Variants in ABCC3 observed in about 807,000 individuals in gnomAD.
ABCC3 encodes ATP-binding cassette sub-family C member 3.
Under a neutral mutation model 165.3 loss-of-function variants are expected in ABCC3, and 121 were observed. The observed-to-expected ratio is 0.73, with a 90% CI of 0.63 to 0.85. The LOEUF (loss-of-function observed/expected upper bound fraction) is 0.85, where lower values mean the gene tolerates loss of function less well. ABCC3 is among the 40% of genes least tolerant of loss of function. The pLI is 0.00. For missense variants in ABCC3, 1,869 were observed against 1,964.1 expected (o/e 0.95, Z 0.92); for synonymous variants, 733 against 810.1 (o/e 0.90, Z 1.62).
chr17:50,691,091 GGGTCCT>G lies in ABCC3; in HGVS notation c.4484_4489del (p.Val1495_Leu1496del). 1.2e-6 allele frequency: 2 copies of G among 1,611,990 alleles called. No individual in the cohort carries two copies. The highest frequency in any genetic ancestry group is 1.7e-6 in the Non-Finnish European group (2 of 1,178,232). Reference sequence around the variant, plus strand: ...TGACCACTTCTCTCTTTTTTGACTAGGGTCCTGGTCCTGGACAAAGGAGTAGTAGCT... The same window carrying G: ...TGACCACTTCTCTCTTTTTTGACTAGGGTCCTGGACAAAGGAGTAGTAGCT... On this transcript the variant is annotated inframe_deletion and splice_region_variant, in exon 31 of 31. Coordinates refer to ENST00000285238, the MANE Select transcript of ABCC3 (RefSeq NM_003786.4).
In ABCC3 at chr17:50,684,692, C is replaced by A; in HGVS notation, c.4114-17C>A. On this transcript the variant is annotated splice_polypyrimidine_tract_variant and intron_variant, in intron 28 of 30. Transcript: ENST00000285238. ...GGGCCTAAGCTGCCTCCCTCTGAGG[C>A]CACGTTGTATCCCCAGGACCCCATC... The A allele has an allele frequency of 6.2e-7, 1 of 1,610,398 alleles. No homozygotes were observed. The highest frequency in any genetic ancestry group is 8.5e-7 in the Non-Finnish European group (1 of 1,177,914).
In ABCC3 at chr17:50,673,054, T is replaced by A. The variant is rs1227559381; in HGVS notation, c.2325T>A (p.Asp775Glu). 1 of 1,614,040 alleles carries A rather than the reference T, an allele frequency of 6.2e-7. No individual in the cohort carries two copies. The highest frequency in any genetic ancestry group is 8.5e-7 in the Non-Finnish European group (1 of 1,180,050). The part of the protein sequence containing the change: ...VYSDADIFLL[D>E]DPLSAVDSHV... ...GTGATGCCGATATTTTCTTGCTGGA[T>A]GACCCACTGTCCGCGGTGGACTCTC... Residue 775 changes from aspartate (D) to glutamate (E), a missense_variant, in exon 18 of 31, where the codon GAT (aspartate) becomes GAA (glutamate). Coordinates refer to ENST00000285238, the MANE Select transcript of ABCC3 (RefSeq NM_003786.4).
chr17:50,674,447 TTTGG>T (rs1293089132), intron 19 of ABCC3: 4 of 152,178 alleles, frequency 2.6e-5, no homozygotes, highest in Non-Finnish European at 5.9e-5. Context: ...GGATAAATAG[TTTGG>T]CAAGTATGCA....
intron 7 of ABCC3, 117 bp from the exon 8 acceptor site, chr17:50,660,806 A>G (rs1050450579): frequency 6.6e-6 from 5 of 761,250 alleles, no homozygotes; most frequent in Non-Finnish European, 1.0e-5. Context: ...CCCAGCTCTG[A>G]GAGCCAAGAA....
At chr17:50,663,623 A>G (rs774930119) in intron 8 of ABCC3, 58 bp from the exon 9 acceptor site, 1 of 1,577,078 alleles carries the variant, frequency 6.3e-7, no homozygotes, top group South Asian at 1.1e-5. Context: ...AGGGCAGCAG[A>G]GGAGGGAGCA....
chr17:50,685,680 C>T (rs936178009), intron 29 of ABCC3, among the ~76,000 whole-genome samples: 3 of 152,174 alleles, frequency 2.0e-5, no homozygotes, highest in African/African-American at 4.8e-5. Flanking sequence ...TTGGACTAGT[C>T]ACATTTCAAG....
At chr17:50,662,460 G>C (rs1166004952) in intron 8 of ABCC3, among the ~76,000 whole-genome samples, 1 of 151,980 alleles carries the variant, frequency 6.6e-6, no homozygotes, top group Admixed American at 6.6e-5. Context: ...AACATAGCAA[G>C]ACCCTGTCTC....
chr17:50,669,325 C>T (rs1463280856), intron 16 of ABCC3, 27 bp from the exon 17 acceptor site: 4 of 1,614,028 alleles, frequency 2.5e-6, no homozygotes, highest in Non-Finnish European at 3.4e-6. Flanking sequence ...TTGGGCAAGC[C>T]CCGAGGTAAA....
rs183930945 is a variant in ABCC3, at chr17:50,672,742, C to A, written c.2242-229C>A. Reference sequence around the variant, plus strand: ...TTAGTCAGTAGCCAGGCATGGTGGTCCTGCAATCAATCCTAGCTACTCGGG... The same window carrying A: ...TTAGTCAGTAGCCAGGCATGGTGGTACTGCAATCAATCCTAGCTACTCGGG... On this transcript the variant is annotated intron_variant, in intron 17 of 30. Transcript: ENST00000285238. Among the ~76,000 whole-genome samples, 39 of 152,198 alleles carry A rather than the reference C, an allele frequency of 2.6e-4. No individual in the cohort carries two copies. The East Asian group carries it at 4.8e-3, about 19-fold the overall frequency.
chr17:50,644,185 T>C (rs5024134), intron 1 of ABCC3, among the ~76,000 whole-genome samples: 37,605 of 149,962 alleles, frequency 0.25, 5,026 homozygotes, highest in African/African-American at 0.33. Context: ...GTGGCGGGCA[T>C]CTGTAATCCC....
chr17:50,653,394 G>C (rs1015147521), intron 1 of ABCC3, among the ~76,000 whole-genome samples: 2 of 147,092 alleles, frequency 1.4e-5, no homozygotes, highest in Non-Finnish European at 3.0e-5. Flanking sequence ...AAAAGCTTTA[G>C]ACAAATTTAG....
At position 50,675,434 on chromosome 17, in the gene ABCC3, A is replaced by G. The variant is rs1364174330; in HGVS notation, c.2672A>G (p.Asp891Gly). 1 of 1,614,088 alleles carries G rather than the reference A, an allele frequency of 6.2e-7. No individual in the cohort carries two copies. The highest frequency in any genetic ancestry group is 2.2e-5 in the East Asian group (1 of 44,884). The change falls in exon 20 of 31, where the codon GAC becomes GGC. Residue 891 changes from aspartate to glycine, a missense_variant. By Grantham distance (94) the Asp-to-Gly change is moderately conservative. Transcript: ENST00000285238. ...DTLSNHTDLT[D>G]NDPVTYVVQK... is the part of the protein sequence containing the mutation. ...CTCAGCAACCACACGGATCTGACAG[A>G]CAATGATCCAGTCACCTATGTGGTC...
intron 7 of ABCC3, among the ~76,000 whole-genome samples, chr17:50,660,532 C>T (rs1212630554): frequency 6.6e-6 from 1 of 152,188 alleles, no homozygotes; most frequent in Non-Finnish European, 1.5e-5. Flanking sequence ...CTGCCTGCTG[C>T]ACCCCCTCTC....
chr17:50,677,866 C>A lies in ABCC3; in HGVS notation c.3501C>A (p.Ser1167Arg). ...GTGTCATCCGGGCCTACAACCGCAG[C>A]CGGGATTTTGAGATCATCAGTGATA... ...GASVIRAYNRSRDFEIISDTK... is the reference protein window; with the variant it reads ...GASVIRAYNRRRDFEIISDTK... Residue 1167 changes from serine to arginine, a missense_variant, in exon 24 of 31, where the codon AGC (serine) becomes AGA (arginine). Transcript: ENST00000285238. The A allele has an allele frequency of 6.2e-7, 1 of 1,614,124 alleles. No individual in the cohort carries two copies. Among genetic ancestry groups the A allele is most frequent in the Non-Finnish European group, 8.5e-7 (1 of 1,180,020 alleles).
chr17:50,676,743 T>TTGAA (rs1334974355), intron 23 of ABCC3, among the ~76,000 whole-genome samples, 155 bp downstream of exon 23: 1 of 152,220 alleles, frequency 6.6e-6, no homozygotes, highest in South Asian at 2.1e-4. Context: ...GGGGAGCCAT[T>TTGAA]ACTTAACCTC....
chr17:50,680,518 T>C (rs1183720344), intron 26 of ABCC3, among the ~76,000 whole-genome samples: 1 of 152,134 alleles, frequency 6.6e-6, no homozygotes, highest in Non-Finnish European at 1.5e-5. Context: ...TCCTGCTCGC[T>C]CTCATGCTCC....
Position 50,691,164 on chromosome 17 carries a change from C to G in ABCC3, c.4548C>G (p.Ile1516Met). 6.2e-7 allele frequency: 1 copy of G among 1,614,144 alleles called. No homozygotes were observed. Among genetic ancestry groups the G allele is most frequent in the South Asian group, 1.1e-5 (1 of 91,078 alleles). ...SPANLIAARG[I>M]FYGMARDAGL... ...CCAACCTCATTGCAGCTAGAGGCAT[C>G]TTCTACGGGATGGCCAGAGATGCTG... Residue 1516 changes from isoleucine to methionine, a missense_variant, in exon 31 of 31, where the codon ATC becomes ATG. Physicochemically the swap from Ile to Met is conservative, Grantham distance 10 (BLOSUM62 1). Coordinates refer to ENST00000285238, the MANE Select transcript of ABCC3 (RefSeq NM_003786.4).
chr17:50,653,274 AGGT>A (rs937035882), intron 1 of ABCC3, among the ~76,000 whole-genome samples: 3 of 136,216 alleles, frequency 2.2e-5, no homozygotes, highest in Non-Finnish European at 3.1e-5. Flanking sequence ...TGAAGCTGGG[AGGT>A]GGTGGTTGCA....
Position 50,669,335 on chromosome 17 carries a change from AT to A in ABCC3, c.2065-14del. ...AGGCCTTGGGCAAGCCCCGAGGTAA[AT>A]TTCTCCTGTGGCCAGGGCTCCGTGG... On this transcript the variant is annotated splice_polypyrimidine_tract_variant and intron_variant, in intron 16 of 30. Transcript: ENST00000285238. 6.2e-7 allele frequency: 1 copy of A among 1,614,122 alleles called. No homozygotes were observed. Among genetic ancestry groups the A allele is most frequent in the Non-Finnish European group, 8.5e-7 (1 of 1,180,004 alleles).
Sources: allele counts gnomAD v4.1 joint callset (sites outside exome capture counted in the v4.1 genomes callset), GRCh38; gene constraint gnomAD v4.1.1; transcripts MANE v1.5; gene names NCBI Gene and HGNC (gene_info 2026-07-23, HGNC 2026-07-21).